The following CDH4 variants were observed in gnomAD, a reference collection of about 807,000 sequenced individuals.
The protein encoded by CDH4 is cadherin 4.
A neutral mutation model predicts 86.0 loss-of-function variants in CDH4; 33 were observed. The observed-to-expected ratio is 0.38, with a 90% CI of 0.29 to 0.51. The LOEUF (loss-of-function observed/expected upper bound fraction) is 0.51. Ranked by LOEUF, CDH4 falls within the 20% of genes least tolerant of loss-of-function variation. The pLI is 0.86. For synonymous variants in CDH4, 555 were observed against 549.4 expected (o/e 1.01, Z -0.14); for missense variants, 1,114 against 1,307.4 (o/e 0.85, Z 2.28).
chr20:61,808,569 T>C lies in CDH4; in HGVS notation c.576+35387T>C, dbSNP rs369642356. Among the ~76,000 whole-genome samples, 4 of 152,288 alleles carry C rather than the reference T, an allele frequency of 2.6e-5. No individual in the cohort carries two copies. The South Asian group carries it at 6.2e-4, about 24-fold the overall frequency. On this transcript the variant is annotated intron_variant, in intron 4 of 15. Transcript: ENST00000614565. ...CAGATCTTGCTACGTTTCGGAACAT[T>C]AAAGGGAATTTATGCAAAATTCCTC...
At chr20:61,336,838 A>C (rs780567852) in intron 2 of CDH4, among the ~76,000 whole-genome samples, 10 of 152,076 alleles carry the variant, frequency 6.6e-5, no homozygotes. Flanking sequence ...GTTCCTTCCT[A>C]TCTCTCTTCT....
intron 2 of CDH4, among the ~76,000 whole-genome samples, chr20:61,384,738 C>T (rs1434988077): frequency 6.6e-6 from 1 of 151,882 alleles, no homozygotes; most frequent in African/African-American, 2.4e-5. Context: ...CTATTTTTCA[C>T]TTCTGGGGGT....
chr20:61,386,820 G>A (rs530972683), intron 2 of CDH4, among the ~76,000 whole-genome samples: 1 of 152,364 alleles, frequency 6.6e-6, no homozygotes, highest in East Asian at 1.9e-4. Context: ...TGACCCTGCA[G>A]GTTCCAAAGG....
intron 4 of CDH4, among the ~76,000 whole-genome samples, chr20:61,816,536 G>A (rs1980719848): frequency 6.6e-6 from 1 of 152,196 alleles, no homozygotes; most frequent in East Asian, 1.9e-4. Flanking sequence ...CATTCTCTCT[G>A]CTCCCTGAGA....
At chr20:61,912,263 T>C (rs1365933562) in intron 9 of CDH4, among the ~76,000 whole-genome samples, 1 of 152,202 alleles carries the variant, frequency 6.6e-6, no homozygotes, top group Non-Finnish European at 1.5e-5. Context: ...AACATAATTA[T>C]GGAAACATAT....
chr20:61,382,193 G>A (rs755042404), intron 2 of CDH4, among the ~76,000 whole-genome samples: 145 of 152,192 alleles, frequency 9.5e-4, no homozygotes, highest in South Asian at 4.1e-4. Context: ...AGGCTTAAAC[G>A]TAAAAATAAG....
At chr20:61,565,256 GAT>G (rs1568688713) in intron 2 of CDH4, among the ~76,000 whole-genome samples, 3 of 95,884 alleles carry the variant, frequency 3.1e-5, no homozygotes, top group Admixed American at 1.1e-4. Flanking sequence ...TGCTCTTGGT[GAT>G]GGTGGTGGTG....
intron 2 of CDH4, among the ~76,000 whole-genome samples, chr20:61,647,164 G>A (rs1035007206): frequency 1.3e-5 from 2 of 152,172 alleles, no homozygotes; most frequent in African/African-American, 4.8e-5. Flanking sequence ...ATAGCGCCAG[G>A]CACGTGTTCC....
chr20:61,294,259 C>T (rs867095877), intron 2 of CDH4, among the ~76,000 whole-genome samples: 5 of 152,160 alleles, frequency 3.3e-5, no homozygotes, highest in Non-Finnish European at 5.9e-5. Flanking sequence ...GGGTCTGCAC[C>T]GGGGCCAGGG....
At chr20:61,845,957 T>G (rs1271347010) in intron 5 of CDH4, among the ~76,000 whole-genome samples, 1 of 152,254 alleles carries the variant, frequency 6.6e-6, no homozygotes, top group Non-Finnish European at 1.5e-5. Flanking sequence ...CAGGGAACCC[T>G]CCGGCTTTTC....
Position 61,810,485 on chromosome 20 carries a change from G to A in CDH4, c.577-34183G>A, listed in dbSNP as rs901376949. Reference sequence around the variant, plus strand: ...AAGTTCTGACCCACTCTGCTCACCCGCAGTGGGAAGGAGCAAGGGAGCGTG... The same window carrying A: ...AAGTTCTGACCCACTCTGCTCACCCACAGTGGGAAGGAGCAAGGGAGCGTG... On this transcript the variant is annotated intron_variant, in intron 4 of 15. Coordinates refer to ENST00000614565, the MANE Select transcript of CDH4 (RefSeq NM_001794.5). The surrounding 1 kb of genome is among the most constrained non-coding windows in gnomAD (Gnocchi z 4.3). 2.6e-5 allele frequency among the ~76,000 whole-genome samples: 4 copies of A among 152,114 alleles called. No homozygotes were observed. Among genetic ancestry groups the A allele is most frequent in the South Asian group, 2.1e-4 (1 of 4,818 alleles).
At chr20:61,860,496 G>A (rs976177326) in intron 6 of CDH4, among the ~76,000 whole-genome samples, 1 of 152,238 alleles carries the variant, frequency 6.6e-6, no homozygotes. Context: ...ACGCTGGCCT[G>A]CCAGGAGGAC....
intron 8 of CDH4, among the ~76,000 whole-genome samples, chr20:61,903,405 C>T (rs2054750548): frequency 6.6e-6 from 1 of 152,016 alleles, no homozygotes; most frequent in African/African-American, 2.4e-5. Context: ...ATTAGCTGGG[C>T]ATGATGGCGG....
chr20:61,673,144 A>G (rs1298469618), intron 2 of CDH4, among the ~76,000 whole-genome samples: 1 of 152,180 alleles, frequency 6.6e-6, no homozygotes, highest in Non-Finnish European at 1.5e-5. Context: ...TGGAGCCCCC[A>G]GAGAGAACGC....
chr20:61,383,040 C>T (rs888515790), intron 2 of CDH4, among the ~76,000 whole-genome samples: 1 of 141,158 alleles, frequency 7.1e-6, no homozygotes, highest in Non-Finnish European at 1.5e-5. Context: ...TCTAGAGGGA[C>T]AGAACTAATG....
intron 4 of CDH4, among the ~76,000 whole-genome samples, chr20:61,833,466 A>G (rs1479454821): frequency 1.3e-5 from 2 of 152,164 alleles, no homozygotes; most frequent in Non-Finnish European, 2.9e-5. Flanking sequence ...TAAATTAATG[A>G]TTAAACCAAT....
rs567736427 is a variant in CDH4 at position 61,742,467 on chromosome 20, C to T, written c.170-1096C>T. 2.6e-5 allele frequency among the ~76,000 whole-genome samples: 4 copies of T among 152,164 alleles called. No homozygotes were observed. The South Asian group carries it at 8.3e-4, about 32-fold the overall frequency. On this transcript the variant is annotated intron_variant, in intron 2 of 15. Transcript: ENST00000614565. ...AAAAGGTGAATGCGAGGGGAAAACA[C>T]TTTATCTAATGTAACAGTGAGTCGC...
At chr20:61,856,166 A>G (rs1009038380) in intron 6 of CDH4, among the ~76,000 whole-genome samples, 1 of 152,238 alleles carries the variant, frequency 6.6e-6, no homozygotes, top group African/African-American at 2.4e-5. Flanking sequence ...GGGATAAGGA[A>G]AAACTACCGC....
intron 2 of CDH4, among the ~76,000 whole-genome samples, chr20:61,420,245 G>A (rs1600961401): frequency 1.3e-5 from 2 of 152,262 alleles, no homozygotes; most frequent in Non-Finnish European, 2.9e-5. Flanking sequence ...GCTGTGCGGG[G>A]AAACGCAGGG....
Sources: gnomAD v4.1 joint callset for allele counts (sites outside exome capture counted in the v4.1 genomes callset) on GRCh38, gnomAD v4.1.1 for gene constraint, Gnocchi (gnomAD v3.1) non-coding constraint, MANE v1.5 for transcripts, NCBI Gene and HGNC (gene_info 2026-07-23, HGNC 2026-07-21) for gene names.